GGA1: variants seen among roughly 807,000 people sequenced by gnomAD.
GGA1 encodes the protein ADP-ribosylation factor-binding protein GGA1.
Under a neutral mutation model 76.9 loss-of-function variants are expected in GGA1, and 18 were observed. The ratio of observed to expected loss-of-function variants is 0.23; its 90% CI spans 0.16 to 0.35. The LOEUF (loss-of-function observed/expected upper bound fraction) is 0.35, where lower values mean the gene tolerates loss of function less well. Among genes scored for constraint, GGA1 ranks in the 10% least tolerant of loss-of-function variants. The probability of loss-of-function intolerance (pLI) is 1.00; values close to 1 mark genes in which losing one functional copy is unlikely to be tolerated. For synonymous variants in GGA1, 342 were observed against 354.7 expected, an observed-to-expected ratio of 0.96 and a Z score of 0.40; for missense variants, 755 against 859.0, an observed-to-expected ratio of 0.88 and a Z score of 1.51.
At chr22:37,608,972 G>T (rs1234667656) in intron 1 of GGA1, 69 bp downstream of exon 1, 3 of 1,329,044 alleles carry the variant, frequency 2.3e-6, no homozygotes, top group Non-Finnish European at 2.9e-6. Flanking sequence ...GCCCCTTCCC[G>T]GCGGGGGCGG....
At chr22:37,614,602 G>C (rs963566743) in intron 2 of GGA1, among the ~76,000 whole-genome samples, 1 of 152,240 alleles carries the variant, frequency 6.6e-6, no homozygotes, top group Admixed American at 6.5e-5. Flanking sequence ...GCCCCCCAGA[G>C]GGAGAACTGC....
intron 11 of GGA1, chr22:37,626,384 G>A (rs1262406833): frequency 6.6e-6 from 1 of 152,586 alleles, no homozygotes; most frequent in African/African-American, 2.4e-5. Flanking sequence ...GGGACTCGGT[G>A]ATCCAAGCTG....
intron 1 of GGA1, chr22:37,609,364 G>A: frequency 9.1e-7 from 1 of 1,094,776 alleles, no homozygotes; most frequent in Non-Finnish European, 1.1e-6. Flanking sequence ...CCCGCAAGTA[G>A]TCACATTTGC....
intron 5 of GGA1, 131 bp downstream of exon 5, chr22:37,620,492 A>G (rs1929684325): frequency 8.4e-6 from 8 of 949,684 alleles, no homozygotes; most frequent in Non-Finnish European, 1.1e-5. Context: ...TTCTGGAGAA[A>G]GTACATACAG....
intron 5 of GGA1, 106 bp from the exon 6 acceptor site, chr22:37,620,707 C>A: frequency 1.3e-6 from 1 of 774,718 alleles, no homozygotes. Flanking sequence ...TGGCAAAAGA[C>A]TGACCTCCCT....
chr22:37,632,472 C>A lies in GGA1; in HGVS notation c.1766C>A (p.Pro589His). 1 of 1,613,942 alleles carries A rather than the reference C, an allele frequency of 6.2e-7. No individual in the cohort carries two copies. The highest frequency in any genetic ancestry group is 8.5e-7 in the Non-Finnish European group (1 of 1,179,842). ...ELPAFNPIVH[P>H]SAITQVLLLA... is the part of the protein sequence containing the mutation. The stretch of plus-strand genomic sequence containing the variant: ...CCAGCTTTTAACCCCATCGTCCACC[C>A]CTCAGCAATCACCCAGGTCCTGCTG... Residue 589 changes from proline to histidine, a missense_variant, in exon 16 of 17, where the codon CCC becomes CAC. Coordinates refer to ENST00000343632, the MANE Select transcript of GGA1 (RefSeq NM_013365.5). This position sits in a 1 kb window ranked among gnomAD's most constrained non-coding sequence, Gnocchi z 5.1.
chr22:37,630,411 G>A, intron 13 of GGA1: 1 of 525,682 alleles, frequency 1.9e-6, no homozygotes, highest in East Asian at 3.5e-5. Context: ...GGTCCAGAGG[G>A]CCGGCAGAGG....
chr22:37,625,093 A>C lies in GGA1; in HGVS notation c.940+17A>C, dbSNP rs1930572698. 6.4e-7 allele frequency: 1 copy of C among 1,568,222 alleles called. No individual in the cohort carries two copies. Among genetic ancestry groups the C allele is most frequent in the Non-Finnish European group, 8.7e-7 (1 of 1,155,996 alleles). ...CCATCCCTGGTGAGGAGGTGGCAGG[A>C]GAGCTGGGAGGGCACCCATCAGGCT... On this transcript the variant is annotated intron_variant, in intron 10 of 16. Transcript: ENST00000343632. The surrounding 1 kb of genome is among the most constrained non-coding windows in gnomAD (Gnocchi z 4.1).
chr22:37,620,556 A>C (rs561242207), intron 5 of GGA1, among the ~76,000 whole-genome samples, 195 bp downstream of exon 5: 51 of 152,270 alleles, frequency 3.3e-4, no homozygotes, highest in African/African-American at 1.2e-3. Context: ...AAAGAAGGTG[A>C]GTTCGAATCA....
intron 13 of GGA1, 57 bp downstream of exon 13, chr22:37,630,227 A>T (rs765867312): frequency 9.8e-5 from 128 of 1,307,080 alleles, no homozygotes; most frequent in Non-Finnish European, 1.3e-4. Context: ...CCCACAAACC[A>T]GCAACTTCTC....
Position 37,623,439 on chromosome 22 carries a change from C to T in GGA1, c.722C>T (p.Ala241Val), listed in dbSNP as rs777493212. ...ATGAGCCACAGCCAGGGCGGCGCAG[C>T]AGCTGGCAGCAGCGAGGACCTCATG... is the stretch of plus-strand genomic sequence containing the variant. Reference protein sequence around the residue: ...MVMSHSQGGAAAGSSEDLMKE... With the variant: ...MVMSHSQGGAVAGSSEDLMKE... The change falls in exon 8 of 17, where the codon GCA becomes GTA. Residue 241 changes from alanine (A) to valine (V), a missense_variant. Transcript: ENST00000343632. The surrounding 1 kb of genome is among the most constrained non-coding windows in gnomAD (Gnocchi z 4.6). 1.2e-6 allele frequency: 2 copies of T among 1,614,050 alleles called. No individual in the cohort carries two copies. Among genetic ancestry groups the T allele is most frequent in the Non-Finnish European group, 1.7e-6 (2 of 1,179,952 alleles).
chr22:37,614,295 G>A, intron 2 of GGA1, 21 bp downstream of exon 2: 2 of 1,543,552 alleles, frequency 1.3e-6, no homozygotes, highest in Non-Finnish European at 9.0e-7. Flanking sequence ...GTCCCCACTT[G>A]TTTGCACTGC....
At chr22:37,629,848 A>C in intron 12 of GGA1, 150 bp from the exon 13 acceptor site, 1 of 638,866 alleles carries the variant, frequency 1.6e-6, no homozygotes, top group Non-Finnish European at 2.7e-6. Flanking sequence ...GCCACCCTGC[A>C]TCATGGACAT....
rs1006423815 is a variant in GGA1, at chr22:37,625,272, G to T, written c.940+196G>T. ...CCTGCAGCTGTGGGGGAAGAAGTCT[G>T]GTGGGGGAGCTGAGGGTTTGGTGAG... On this transcript the variant is annotated intron_variant, in intron 10 of 16. Transcript: ENST00000343632. This position sits in a 1 kb window ranked among gnomAD's most constrained non-coding sequence, Gnocchi z 4.1. 6.6e-6 allele frequency among the ~76,000 whole-genome samples: 1 copy of T among 152,138 alleles called. No homozygotes were observed. The highest frequency in any genetic ancestry group is 2.4e-5 in the African/African-American group (1 of 41,430).
At chr22:37,615,318 G>A (rs1340248136) in intron 2 of GGA1, among the ~76,000 whole-genome samples, 2 of 151,040 alleles carry the variant, frequency 1.3e-5, no homozygotes, top group African/African-American at 4.9e-5. Flanking sequence ...GCATGGTGGT[G>A]CATGCCTGTA....
Position 37,623,590 on chromosome 22 carries a change from C to T in GGA1, c.789C>T (p.Leu263=), listed in dbSNP as rs1412958047. The change falls in exon 9 of 17, where the codon CTC becomes CTT. Residue 263 remains leucine (L), a synonymous_variant. Coordinates refer to ENST00000343632, the MANE Select transcript of GGA1 (RefSeq NM_013365.5). This position sits in a 1 kb window ranked among gnomAD's most constrained non-coding sequence, Gnocchi z 4.6. ...YQRCERMRPT[L]FRLASDTEDN... is the part of the protein sequence containing the mutation. ...GCTGTGAGCGGATGCGGCCCACGCTCTTCCGACTGGCGAGTGACACAGAGG... is the reference window on the plus strand; with the variant it reads ...GCTGTGAGCGGATGCGGCCCACGCTTTTCCGACTGGCGAGTGACACAGAGG... 5.6e-6 allele frequency: 9 copies of T among 1,605,446 alleles called. No homozygotes were observed. In the African/African-American group the frequency reaches 9.4e-5, roughly 17 times the overall value.
chr22:37,618,143 A>C, intron 3 of GGA1: 1 of 264,656 alleles, frequency 3.8e-6, no homozygotes, highest in Non-Finnish European at 7.1e-6. Flanking sequence ...AAAAAAAGGA[A>C]AAATAGTAAG....
At position 37,625,705 on chromosome 22, in the gene GGA1, C is replaced by A; in HGVS notation, c.941-92C>A. The A allele has an allele frequency of 6.1e-6, 6 of 978,086 alleles. No homozygotes were observed. Among genetic ancestry groups the A allele is most frequent in the Non-Finnish European group, 8.8e-6 (6 of 684,022 alleles). 60.6% of individuals were successfully genotyped at this position (978,086 alleles called of 1,614,324 possible). On this transcript the variant is annotated intron_variant, in intron 10 of 16. Coordinates refer to ENST00000343632, the MANE Select transcript of GGA1 (RefSeq NM_013365.5). The surrounding 1 kb of genome is among the most constrained non-coding windows in gnomAD (Gnocchi z 4.1). ...AGGCAGGAGACCAGTGGTAAAGCATCGGGGGTTAGGTGTTGCTCCCCCGCA... is the reference window on the plus strand; with the variant it reads ...AGGCAGGAGACCAGTGGTAAAGCATAGGGGGTTAGGTGTTGCTCCCCCGCA...
At position 37,625,145 on chromosome 22, in the gene GGA1, T is replaced by C. The variant is rs1930584310; in HGVS notation, c.940+69T>C. ...GAGGGGCACAGAGAGTGCAGGGTGG[T>C]GTGCTGGTCTCAGAGCGGCTGGAAT... On this transcript the variant is annotated intron_variant, in intron 10 of 16. Transcript: ENST00000343632. The surrounding 1 kb of genome is among the most constrained non-coding windows in gnomAD (Gnocchi z 4.1). 3 of 1,368,142 alleles carry C rather than the reference T, an allele frequency of 2.2e-6. No homozygotes were observed. Among genetic ancestry groups the C allele is most frequent in the Non-Finnish European group, 3.0e-6 (3 of 984,438 alleles). The allele number at this position is 1,368,142 out of a possible 1,614,324, so 84.8% of individuals were successfully genotyped here.
Sources: allele counts gnomAD v4.1 joint callset (sites outside exome capture counted in the v4.1 genomes callset), GRCh38; gene constraint gnomAD v4.1.1; non-coding constraint Gnocchi (gnomAD v3.1); transcripts MANE v1.5; gene names NCBI Gene and HGNC (gene_info 2026-07-23, HGNC 2026-07-21).